CTNNA2: variants seen among roughly 807,000 people sequenced by gnomAD.
The protein encoded by CTNNA2 is catenin alpha 2, also known as catenin alpha-2.
A neutral mutation model predicts 101.0 loss-of-function variants in CTNNA2; 42 were observed. The ratio of observed to expected loss-of-function variants is 0.42; its 90% CI spans 0.32 to 0.54. The LOEUF (loss-of-function observed/expected upper bound fraction) is 0.54, where lower values mean the gene tolerates loss of function less well. Among genes scored for constraint, CTNNA2 ranks in the 20% least tolerant of loss-of-function variants. The pLI is 0.14. For synonymous variants in CTNNA2, 450 were observed against 456.4 expected (o/e 0.99, Z 0.18); for missense variants, 871 against 1,223.1 (o/e 0.71, Z 4.29).
chr2:80,636,074 T>C (rs562937372), intron 18 of CTNNA2, among the ~76,000 whole-genome samples: 13 of 152,060 alleles, frequency 8.5e-5, no homozygotes, highest in East Asian at 5.8e-4. Context: ...ATTTGTTCTT[T>C]GGAAGGTCTT....
intron 2 of CTNNA2, among the ~76,000 whole-genome samples, chr2:79,663,145 C>T (rs1249623855): frequency 6.6e-6 from 1 of 152,160 alleles, no homozygotes; most frequent in African/African-American, 2.4e-5. Flanking sequence ...CTCTTCTTTG[C>T]TCAGATCTGC....
intron 7 of CTNNA2, among the ~76,000 whole-genome samples, chr2:80,178,252 G>T (rs1705523973): frequency 6.6e-6 from 1 of 152,158 alleles, no homozygotes; most frequent in African/African-American, 2.4e-5. Context: ...TGATGGAATG[G>T]TGCTGTACAT....
intron 7 of CTNNA2, among the ~76,000 whole-genome samples, chr2:80,212,061 T>A (rs1391178652): frequency 1.3e-5 from 2 of 152,220 alleles, no homozygotes; most frequent in Non-Finnish European, 2.9e-5. Context: ...TTTTGCACAT[T>A]TATTTTGTTT....
intron 3 of CTNNA2, among the ~76,000 whole-genome samples, chr2:79,791,200 T>C (rs543327450): frequency 6.6e-6 from 1 of 152,320 alleles, no homozygotes; most frequent in Non-Finnish European, 1.5e-5. Context: ...ATTCAAGATC[T>C]GTTCAATGGT....
chr2:80,545,479 G>A (rs922640024), intron 10 of CTNNA2, among the ~76,000 whole-genome samples: 6 of 152,122 alleles, frequency 3.9e-5, no homozygotes, highest in African/African-American at 7.2e-5. Context: ...TCAGGAGTTC[G>A]AGGCTGCAGG....
At chr2:79,908,408 T>G (rs2104316079) in intron 6 of CTNNA2, among the ~76,000 whole-genome samples, 1 of 152,278 alleles carries the variant, frequency 6.6e-6, no homozygotes, top group South Asian at 2.1e-4. Context: ...ATTTGCCCCA[T>G]CATTGCCACT....
chr2:80,356,332 A>C (rs1172025911), intron 7 of CTNNA2, among the ~76,000 whole-genome samples: 1 of 152,142 alleles, frequency 6.6e-6, no homozygotes, highest in African/African-American at 2.4e-5. Context: ...ACATGGTAAA[A>C]ACATCATTAT....
intron 1 of CTNNA2, among the ~76,000 whole-genome samples, chr2:79,638,117 A>G (rs771006420): frequency 1.2e-4 from 18 of 152,218 alleles, no homozygotes; most frequent in Non-Finnish European, 2.4e-4. Context: ...TAATTATAAT[A>G]AACTTCGGCC....
chr2:80,224,793 C>G (rs570462248), intron 7 of CTNNA2, among the ~76,000 whole-genome samples: 2 of 152,244 alleles, frequency 1.3e-5, no homozygotes, highest in African/African-American at 4.8e-5. Context: ...AGTTGCTAAA[C>G]TATTAGGCCC....
intron 8 of CTNNA2, among the ~76,000 whole-genome samples, chr2:80,405,693 TA>T (rs1339724460): frequency 2.0e-5 from 3 of 152,184 alleles, no homozygotes; most frequent in Non-Finnish European, 4.4e-5. Flanking sequence ...AATATCTGAT[TA>T]AATGCATATC....
intron 9 of CTNNA2, among the ~76,000 whole-genome samples, chr2:80,431,796 A>T (rs2149426825): frequency 6.6e-6 from 1 of 152,344 alleles, no homozygotes; most frequent in Non-Finnish European, 1.5e-5. Context: ...GAGGGAATAT[A>T]GGTCTGTGCC....
Position 79,849,553 on chromosome 2 carries a change from A to G in CTNNA2, c.299-8460A>G, listed in dbSNP as rs570686794. On this transcript the variant is annotated intron_variant, in intron 3 of 18. Transcript: ENST00000402739. ...TTTTCCCCAATCACAGATTTCAGTCATAGCCACCCTGGGGTGAAATGCATG... is the reference window on the plus strand; with the variant it reads ...TTTTCCCCAATCACAGATTTCAGTCGTAGCCACCCTGGGGTGAAATGCATG... Among the ~76,000 whole-genome samples, 5 of 152,260 alleles carry G rather than the reference A, an allele frequency of 3.3e-5. No individual in the cohort carries two copies. In the South Asian group the frequency reaches 1.0e-3, roughly 32 times the overall value.
At chr2:80,236,282 G>A (rs557319374) in intron 7 of CTNNA2, among the ~76,000 whole-genome samples, 1 of 152,298 alleles carries the variant, frequency 6.6e-6, no homozygotes, top group African/African-American at 2.4e-5. Flanking sequence ...TTGTGTGCAA[G>A]TGTCTTTATG....
At position 79,874,114 on chromosome 2, in the gene CTNNA2, C is replaced by T. The variant is rs375699264; in HGVS notation, c.624C>T (p.Ala208=). ...CTCACTGTCGGGATGAGATGGCAGC[C>T]GCCCGAGGGGCTCTGAAGAAGAATG... ...KDPHCRDEMA[A]ARGALKKNAT... Residue 208 remains alanine, a synonymous_variant, in exon 6 of 19, where the codon GCC becomes GCT. Transcript: ENST00000402739. 2.0e-5 allele frequency: 32 copies of T among 1,614,182 alleles called. No individual in the cohort carries two copies. Among genetic ancestry groups the T allele is most frequent in the Admixed American group, 1.0e-4 (6 of 60,016 alleles).
chr2:79,187,282 T>C (rs1364718472), intron 1 of CTNNA2, among the ~76,000 whole-genome samples: 2 of 137,258 alleles, frequency 1.5e-5, no homozygotes, highest in African/African-American at 5.6e-5. Flanking sequence ...TTTTTTTTTT[T>C]TTTTTGAGAC....
At chr2:80,470,097 C>G (rs1435149226) in intron 9 of CTNNA2, among the ~76,000 whole-genome samples, 2 of 152,064 alleles carry the variant, frequency 1.3e-5, no homozygotes, top group Non-Finnish European at 2.9e-5. Flanking sequence ...AGGGAGCATG[C>G]TCATTCAGAG....
intron 11 of CTNNA2, among the ~76,000 whole-genome samples, chr2:80,546,447 G>T (rs187893609): frequency 1.4e-4 from 21 of 152,262 alleles, no homozygotes; most frequent in Non-Finnish European, 2.4e-4. Flanking sequence ...CTCCAATTTG[G>T]CTATGTTAAG....
Position 79,879,498 on chromosome 2 carries a change from G to A in CTNNA2, c.852+5156G>A, listed in dbSNP as rs529398334. Among the ~76,000 whole-genome samples, 7 of 152,150 alleles carry A rather than the reference G, an allele frequency of 4.6e-5. No homozygotes were observed. In the East Asian group the frequency reaches 9.7e-4, roughly 21 times the overall value. Reference sequence around the variant, plus strand: ...TTTGTGTCCTCTCTTAATTCCTTGAGCAGTGGTTTGTAGTTCTCCTTGAAG... The same window carrying A: ...TTTGTGTCCTCTCTTAATTCCTTGAACAGTGGTTTGTAGTTCTCCTTGAAG... On this transcript the variant is annotated intron_variant, in intron 6 of 18. Transcript: ENST00000402739.
At chr2:79,861,668 T>C (rs964951987) in intron 4 of CTNNA2, among the ~76,000 whole-genome samples, 2 of 152,346 alleles carry the variant, frequency 1.3e-5, no homozygotes, top group East Asian at 1.9e-4. Flanking sequence ...TACTTTAATA[T>C]TGAGTTCTCT....
Sources: gnomAD v4.1 joint callset for allele counts (sites outside exome capture counted in the v4.1 genomes callset) on GRCh38, gnomAD v4.1.1 for gene constraint, MANE v1.5 for transcripts, NCBI Gene and HGNC (gene_info 2026-07-23, HGNC 2026-07-21) for gene names.